Variants in ERC2 observed in about 807,000 individuals in gnomAD.
The protein encoded by ERC2 is ELKS/RAB6-interacting/CAST family member 2, also known as ERC protein 2.
In ERC2, 42 loss-of-function variants were observed where a neutral mutation model predicts 114.8. The ratio of observed to expected loss-of-function variants is 0.37; its 90% confidence interval spans 0.29 to 0.47. ERC2 has a LOEUF of 0.47. Among genes scored for constraint, ERC2 ranks in the 20% least tolerant of loss-of-function variants. ERC2 has a pLI of 0.99. For synonymous variants in ERC2, 454 were observed against 425.5 expected, an observed-to-expected ratio of 1.07 and a Z score of -0.82; for missense variants, 939 against 1,150.7, an observed-to-expected ratio of 0.82 and a Z score of 2.66.
chr3:55,716,674 A>G (rs2064138442), intron 15 of ERC2, among the ~76,000 whole-genome samples: 1 of 152,154 alleles, frequency 6.6e-6, no homozygotes, highest in Non-Finnish European at 1.5e-5. Flanking sequence ...TCTGTGCTCA[A>G]TAAACTCTGT....
chr3:56,059,097 ATT>A (rs11303876), intron 7 of ERC2, among the ~76,000 whole-genome samples: 14 of 147,314 alleles, frequency 9.5e-5, no homozygotes, highest in Admixed American at 5.4e-4. Context: ...TATTTTTTTT[ATT>A]TTTTTTTTTG....
chr3:55,853,934 C>T (rs1389122639), intron 14 of ERC2, among the ~76,000 whole-genome samples: 1 of 152,098 alleles, frequency 6.6e-6, no homozygotes, highest in African/African-American at 2.4e-5. Flanking sequence ...CATGCTTTGA[C>T]CACAAGGCCT....
chr3:56,039,271 T>C, intron 7 of ERC2, among the ~76,000 whole-genome samples: 1 of 152,104 alleles, frequency 6.6e-6, no homozygotes, highest in Admixed American at 6.6e-5. Context: ...AGTAAAAAAG[T>C]GTTCAAACTA....
chr3:56,189,868 T>A (rs1248536353), intron 3 of ERC2, among the ~76,000 whole-genome samples: 1 of 152,160 alleles, frequency 6.6e-6, no homozygotes, highest in South Asian at 2.1e-4. Context: ...TCCAAGCAAC[T>A]CTGGAATATT....
At chr3:56,342,223 T>C (rs1360789792) in intron 2 of ERC2, among the ~76,000 whole-genome samples, 1 of 152,218 alleles carries the variant, frequency 6.6e-6, no homozygotes, top group Admixed American at 6.6e-5. Flanking sequence ...AGCCCCTTCT[T>C]ACTCTGGTTT....
At chr3:55,781,265 A>G (rs1397442775) in intron 14 of ERC2, among the ~76,000 whole-genome samples, 1 of 152,186 alleles carries the variant, frequency 6.6e-6, no homozygotes, top group South Asian at 2.1e-4. Context: ...TCAGATCTGC[A>G]TGAGCAACTG....
chr3:56,372,709 C>A (rs773264123), intron 2 of ERC2, among the ~76,000 whole-genome samples: 1 of 151,954 alleles, frequency 6.6e-6, no homozygotes, highest in Non-Finnish European at 1.5e-5. Context: ...GCCTGGGTGA[C>A]AGAGAGACAC....
At chr3:55,557,945 C>T (rs1458156199) in intron 17 of ERC2, among the ~76,000 whole-genome samples, 2 of 152,238 alleles carry the variant, frequency 1.3e-5, no homozygotes, top group African/African-American at 4.8e-5. Context: ...GACAAGGGTT[C>T]CAGAGTCAGA....
intron 14 of ERC2, among the ~76,000 whole-genome samples, chr3:55,848,886 T>A (rs2061467450): frequency 6.6e-6 from 1 of 152,244 alleles, no homozygotes; most frequent in African/African-American, 2.4e-5. Context: ...TGTGCCCACA[T>A]CTTCTTCACT....
intron 2 of ERC2, among the ~76,000 whole-genome samples, chr3:56,404,156 T>A (rs1169043259): frequency 6.6e-6 from 1 of 152,218 alleles, no homozygotes; most frequent in Non-Finnish European, 1.5e-5. Context: ...CTGAATCACG[T>A]AAACAGTGAA....
intron 5 of ERC2, among the ~76,000 whole-genome samples, chr3:56,146,160 C>T (rs2081120954): frequency 6.6e-6 from 1 of 151,982 alleles, no homozygotes; most frequent in Non-Finnish European, 1.5e-5. Flanking sequence ...TGGTGGTGTG[C>T]ACCTGTAATC....
At chr3:56,095,925 G>C (rs1030852956) in intron 6 of ERC2, among the ~76,000 whole-genome samples, 5 of 152,158 alleles carry the variant, frequency 3.3e-5, no homozygotes, top group Admixed American at 6.5e-5. Context: ...AGTAATGGCT[G>C]CAAGTCGGAG....
intron 2 of ERC2, among the ~76,000 whole-genome samples, chr3:56,433,328 G>A (rs924084285): frequency 6.6e-6 from 1 of 152,138 alleles, no homozygotes; most frequent in Non-Finnish European, 1.5e-5. Context: ...AAAGAAAATA[G>A]CAGCATATAA....
intron 2 of ERC2, among the ~76,000 whole-genome samples, chr3:56,309,803 T>C (rs1320916285): frequency 6.6e-6 from 1 of 152,212 alleles, no homozygotes; most frequent in African/African-American, 2.4e-5. Context: ...ATGTTAGCTA[T>C]TTTCATTATT....
At chr3:56,441,485 G>T (rs1017464103) in intron 1 of ERC2, among the ~76,000 whole-genome samples, 1 of 152,130 alleles carries the variant, frequency 6.6e-6, no homozygotes, top group African/African-American at 2.4e-5. Context: ...TTTTTAAAAT[G>T]GAAATATCAT....
chr3:56,306,753 T>C (rs1200104452), intron 2 of ERC2, among the ~76,000 whole-genome samples: 1 of 152,176 alleles, frequency 6.6e-6, no homozygotes, highest in Non-Finnish European at 1.5e-5. Context: ...TATAATATAG[T>C]GTGTAACAGC....
At chr3:55,527,402 A>G (rs2053397291) in intron 17 of ERC2, among the ~76,000 whole-genome samples, 1 of 152,232 alleles carries the variant, frequency 6.6e-6, no homozygotes, top group South Asian at 2.1e-4. Context: ...CCAGTGTAAA[A>G]GAAGTGTTCA....
At chr3:56,171,072 T>G (rs1016958478) in intron 4 of ERC2, among the ~76,000 whole-genome samples, 1 of 151,982 alleles carries the variant, frequency 6.6e-6, no homozygotes. Context: ...CCAAGAAATC[T>G]CTTCTTAATT....
chr3:55,685,512 G>A (rs1388632134), intron 16 of ERC2, among the ~76,000 whole-genome samples: 2 of 152,106 alleles, frequency 1.3e-5, no homozygotes, highest in Non-Finnish European at 2.9e-5. Context: ...CTCTGTCCCT[G>A]GAGAAAAGAA....
Sources: gnomAD v4.1 joint callset for allele counts (sites outside exome capture counted in the v4.1 genomes callset) on GRCh38, gnomAD v4.1.1 for gene constraint, MANE v1.5 for transcripts, NCBI Gene and HGNC (gene_info 2026-07-23, HGNC 2026-07-21) for gene names.